Variants in NCOA1 observed in about 807,000 individuals in gnomAD.
NCOA1 encodes Hin-2 protein.
In NCOA1, 35 loss-of-function variants were observed where a neutral mutation model predicts 150.9. The ratio of observed to expected loss-of-function variants is 0.23; its 90% CI spans 0.18 to 0.31. The LOEUF is 0.31. NCOA1 is among the 10% of genes least tolerant of loss of function. The pLI, the probability that NCOA1 is intolerant of heterozygous loss-of-function variation, is 1.00. For synonymous variants in NCOA1, 590 were observed against 630.0 expected, an observed-to-expected ratio of 0.94 and a Z score of 0.95; for missense variants, 1,491 against 1,749.3, an observed-to-expected ratio of 0.85 and a Z score of 2.63.
chr2:24,752,025 C>A lies in NCOA1; in HGVS notation c.3750C>A (p.Ser1250Arg), dbSNP rs1664273330. The change falls in exon 20 of 23, where the codon AGC becomes AGA. Residue 1250 changes from serine to arginine, a missense_variant. Physicochemically the swap from Ser to Arg is moderately radical, Grantham distance 110. This residue lies in a region of NCOA1 where 485 missense variants were observed against 522.8 expected (regional missense o/e 0.93). Coordinates refer to ENST00000348332, the MANE Select transcript of NCOA1 (RefSeq NM_003743.5). ...QGEANFAPSL[S>R]PGSSMVPMPI... ...AGGCCAACTTTGCTCCATCTCTAAGCCCTGGGAGCTCCATGGTGCCGATGC... is the reference window on the plus strand; with the variant it reads ...AGGCCAACTTTGCTCCATCTCTAAGACCTGGGAGCTCCATGGTGCCGATGC... The A allele has an allele frequency of 6.2e-7, 1 of 1,613,886 alleles. No individual in the cohort carries two copies. Among genetic ancestry groups the A allele is most frequent in the Non-Finnish European group, 8.5e-7 (1 of 1,179,952 alleles).
chr2:24,527,670 T>C (rs1217270823), intron 1 of NCOA1, among the ~76,000 whole-genome samples: 1 of 152,204 alleles, frequency 6.6e-6, no homozygotes, highest in Non-Finnish European at 1.5e-5. Flanking sequence ...ATCTCCTTTG[T>C]GTATATAACC....
chr2:24,712,773 G>T (rs1673810402), intron 14 of NCOA1, among the ~76,000 whole-genome samples: 1 of 150,904 alleles, frequency 6.6e-6, no homozygotes, highest in African/African-American at 2.4e-5. Context: ...TTGGAAATTA[G>T]GTATCCAACT....
intron 15 of NCOA1, 36 bp downstream of exon 15, chr2:24,726,742 A>G (rs370365817): frequency 2.2e-6 from 3 of 1,335,442 alleles, no homozygotes; most frequent in Non-Finnish European, 3.1e-6. Context: ...AAGGTATCAG[A>G]TACCAACTTC....
intron 3 of NCOA1, among the ~76,000 whole-genome samples, chr2:24,603,781 A>G (rs558634057): frequency 6.6e-6 from 1 of 152,230 alleles, no homozygotes; most frequent in African/African-American, 2.4e-5. Context: ...GTTGGAACCA[A>G]TCTATTCCAG....
At chr2:24,529,999 T>G (rs1056500491) in intron 1 of NCOA1, among the ~76,000 whole-genome samples, 1 of 152,224 alleles carries the variant, frequency 6.6e-6, no homozygotes. Flanking sequence ...ATTGCTAAAT[T>G]CTCTACTACT....
intron 7 of NCOA1, among the ~76,000 whole-genome samples, chr2:24,681,827 G>T (rs1672190645): frequency 1.3e-5 from 2 of 151,498 alleles, no homozygotes; most frequent in Non-Finnish European, 2.9e-5. Context: ...CCGTTCTCCT[G>T]CCTCAGCCTC....
At chr2:24,751,057 G>C (rs1042914500) in intron 19 of NCOA1, among the ~76,000 whole-genome samples, 1 of 148,834 alleles carries the variant, frequency 6.7e-6, no homozygotes, top group African/African-American at 2.5e-5. Context: ...GTGCGATCTC[G>C]TCTCACTGCA....
rs766565729 is a variant in NCOA1, at chr2:24,706,960, T to G, written c.1490T>G (p.Leu497Trp). The change falls in exon 13 of 23, where the codon TTG becomes TGG. Residue 497 changes from leucine (L) to tryptophan (W), a missense_variant. Leu to Trp is a moderately conservative substitution (Grantham distance 61, BLOSUM62 -2). Around this residue, in one of 8 missense-constraint regions of NCOA1, gnomAD observed 703 missense variants for 717.7 expected, o/e 0.98. Transcript: ENST00000348332. Reference sequence around the variant, plus strand: ...CCAAGGAGACAGGTTACTTCTGGATTGGCAACAAGGCCCAGGATGCCAAAC... The same window carrying G: ...CCAAGGAGACAGGTTACTTCTGGATGGGCAACAAGGCCCAGGATGCCAAAC... ...MSPRRQVTSG[L>W]ATRPRMPNNS... The G allele has an allele frequency of 1.2e-6, 2 of 1,614,216 alleles. No homozygotes were observed. Among genetic ancestry groups the G allele is most frequent in the Admixed American group, 1.7e-5 (1 of 60,022 alleles).
intron 3 of NCOA1, among the ~76,000 whole-genome samples, chr2:24,602,730 GT>G (rs896226472): frequency 2.0e-5 from 3 of 152,038 alleles, no homozygotes; most frequent in African/African-American, 7.2e-5. Flanking sequence ...ATAAAAATTT[GT>G]TATCCTCCAT....
At chr2:24,753,454 T>C (rs1056800234) in intron 20 of NCOA1, among the ~76,000 whole-genome samples, 1 of 152,108 alleles carries the variant, frequency 6.6e-6, no homozygotes, top group Non-Finnish European at 1.5e-5. Context: ...AAGATTATAC[T>C]CTATCCACTT....
rs191550476 is a variant in NCOA1, at chr2:24,577,956, T to G, written c.-259-6520T>G. 5.8e-4 allele frequency among the ~76,000 whole-genome samples: 89 copies of G among 152,304 alleles called. 1 individual carries two copies. The highest frequency in any genetic ancestry group is 2.0e-3 in the African/African-American group (84 of 41,574). ...ACCTTATCTGAGTTTACCTGTGCAG[T>G]TAACTCAGCTGTGGTCATGGTTGGA... On this transcript the variant is annotated intron_variant, in intron 2 of 22. Transcript: ENST00000348332.
intron 13 of NCOA1, among the ~76,000 whole-genome samples, chr2:24,709,930 A>G (rs1173854199): frequency 6.6e-6 from 1 of 152,182 alleles, no homozygotes; most frequent in African/African-American, 2.4e-5. Flanking sequence ...TTCTACTTAT[A>G]TACTCTAGAA....
chr2:24,669,534 ATTT>A (rs1671591614), intron 6 of NCOA1, among the ~76,000 whole-genome samples: 1 of 152,216 alleles, frequency 6.6e-6, no homozygotes, highest in Non-Finnish European at 1.5e-5. Flanking sequence ...ACACAAAATT[ATTT>A]AATCTACTTG....
At chr2:24,551,431 A>G (rs1665824449) in intron 1 of NCOA1, among the ~76,000 whole-genome samples, 1 of 152,094 alleles carries the variant, frequency 6.6e-6, no homozygotes, top group Admixed American at 6.6e-5. Flanking sequence ...TTATAACACT[A>G]TCTTTTGAAC....
intron 1 of NCOA1, among the ~76,000 whole-genome samples, chr2:24,557,669 C>A (rs1000801693): frequency 3.3e-5 from 5 of 151,570 alleles, no homozygotes; most frequent in African/African-American, 1.2e-4. Flanking sequence ...ATTATTAGTT[C>A]AAAAAAAGCC....
intron 1 of NCOA1, among the ~76,000 whole-genome samples, chr2:24,495,407 A>C (rs1024955149): frequency 2.6e-5 from 4 of 152,172 alleles, no homozygotes; most frequent in African/African-American, 9.7e-5. Flanking sequence ...CTTATGCCAA[A>C]ATAGAAGCTC....
intron 14 of NCOA1, among the ~76,000 whole-genome samples, chr2:24,720,176 A>G (rs1674286002): frequency 6.6e-6 from 1 of 152,258 alleles, no homozygotes; most frequent in South Asian, 2.1e-4. Flanking sequence ...ATATTTAGAA[A>G]TAAATAGGCA....
In NCOA1 at chr2:24,729,911, T is replaced by G. The variant is rs931161530; in HGVS notation, c.3201+96T>G. The G allele has an allele frequency of 2.2e-6, 3 of 1,337,956 alleles. No individual in the cohort carries two copies. The African/African-American group carries it at 4.4e-5, about 20-fold the overall frequency. 82.9% of individuals were successfully genotyped at this position (1,337,956 alleles called of 1,614,324 possible). ...GTGTGGCTAGTGTGCAGTAGTGCTA[T>G]CTCAGCCCACTGCAACCGCCGCCTC... is the stretch of plus-strand genomic sequence containing the variant. On this transcript the variant is annotated intron_variant, in intron 17 of 22. Transcript: ENST00000348332.
At chr2:24,665,189 T>C (rs1166273069) in intron 5 of NCOA1, among the ~76,000 whole-genome samples, 1 of 152,224 alleles carries the variant, frequency 6.6e-6, no homozygotes, top group Non-Finnish European at 1.5e-5. Context: ...AATACATTGT[T>C]CACTGTACCT....
Sources: gnomAD v4.1 joint callset for allele counts (sites outside exome capture counted in the v4.1 genomes callset) on GRCh38, gnomAD v4.1.1 for gene constraint, gnomAD v4.1.1 regional missense constraint, MANE v1.5 for transcripts, NCBI Gene and HGNC (gene_info 2026-07-23, HGNC 2026-07-21) for gene names.